The following ETV6 variants were observed in gnomAD, a reference collection of about 807,000 sequenced individuals.
The protein encoded by ETV6 is ETS variant transcription factor 6.
ETV6 carries 16 observed loss-of-function variants against 51.1 expected under a neutral mutation model. The observed-to-expected ratio is 0.31, with a 90% CI of 0.21 to 0.48. ETV6 has a LOEUF of 0.48. Among genes scored for constraint, ETV6 ranks in the 20% least tolerant of loss-of-function variants. ETV6 has a pLI of 0.99. For synonymous variants in ETV6, 240 were observed against 224.1 expected (o/e 1.07, Z -0.64); for missense variants, 458 against 594.8 (o/e 0.77, Z 2.39).
intron 2 of ETV6, among the ~76,000 whole-genome samples, chr12:11,804,484 T>G (rs1195839819): frequency 7.8e-6 from 1 of 128,338 alleles, no homozygotes; most frequent in East Asian, 2.2e-4. Flanking sequence ...TTGCTATTCT[T>G]GGAACACACA....
At chr12:11,651,760 A>G (rs1249925695) in intron 1 of ETV6, among the ~76,000 whole-genome samples, 6 of 152,244 alleles carry the variant, frequency 3.9e-5, no homozygotes, top group Admixed American at 2.0e-4. Context: ...TATTCAATAA[A>G]TAAATTGTAT....
chr12:11,827,947 AC>A lies in ETV6; in HGVS notation c.164-11189del, dbSNP rs539918565. On this transcript the variant is annotated intron_variant, in intron 2 of 7. Transcript: ENST00000396373. ...CCTGCAGGATCTTTATGTTCTCTGTACCCCATCCATTTCTGCTGAGGATTAC... is the reference window on the plus strand; with the variant it reads ...CCTGCAGGATCTTTATGTTCTCTGTACCCATCCATTTCTGCTGAGGATTAC... Among the ~76,000 whole-genome samples, 11 of 152,246 alleles carry A rather than the reference AC, an allele frequency of 7.2e-5. No homozygotes were observed. In the East Asian group the frequency reaches 1.5e-3, roughly 21 times the overall value.
At chr12:11,650,444 C>T (rs1347948993) in intron 1 of ETV6, among the ~76,000 whole-genome samples, 5 of 116,712 alleles carry the variant, frequency 4.3e-5, no homozygotes, top group African/African-American at 1.6e-4. Flanking sequence ...CCCGGATTGT[C>T]TCCAGAACCG....
chr12:11,751,286 C>CA, intron 1 of ETV6: 1 of 514,614 alleles, frequency 1.9e-6, no homozygotes, highest in Non-Finnish European at 3.9e-6. Flanking sequence ...ACTATCTTTC[C>CA]AAAACGTAAA....
chr12:11,894,747 TG>T lies in ETV6; in HGVS notation c.*3704del, dbSNP rs1831087015. On this transcript the variant is annotated 3_prime_UTR_variant, in exon 8 of 8. Coordinates refer to ENST00000396373, the MANE Select transcript of ETV6 (RefSeq NM_001987.5). The stretch of plus-strand genomic sequence containing the variant: ...AACTCCCTTTTGCAAAAAAGAAACC[TG>T]GGTGTCAGGGAGGTGAAGTGACTTG... The T allele has an allele frequency of 4.3e-6, 1 of 233,268 alleles. No homozygotes were observed. The highest frequency in any genetic ancestry group is 6.0e-5 in the East Asian group (1 of 16,576). The allele number at this position is 233,268 out of a possible 1,614,324, so 14.4% of individuals were successfully genotyped here.
At chr12:11,804,723 G>A (rs1443887295) in intron 2 of ETV6, among the ~76,000 whole-genome samples, 1 of 152,158 alleles carries the variant, frequency 6.6e-6, no homozygotes, top group Admixed American at 6.5e-5. Flanking sequence ...CACCTGACAT[G>A]TAATTTTTTA....
rs58160049 is a variant in ETV6, at chr12:11,708,112, G to C, written c.34-44338G>C. 8.6e-3 allele frequency among the ~76,000 whole-genome samples: 1,304 copies of C among 152,226 alleles called. 19 individuals carry two copies. The highest frequency in any genetic ancestry group is 0.028 in the African/African-American group (1,182 of 41,526). ...CGTCGAAAGCTGTACATTTCCTTCA[G>C]GGTAACCTTTGTTTCCAACAGGAGA... On this transcript the variant is annotated intron_variant, in intron 1 of 7. Coordinates refer to ENST00000396373, the MANE Select transcript of ETV6 (RefSeq NM_001987.5).
At chr12:11,796,353 C>G (rs188044975) in intron 2 of ETV6, among the ~76,000 whole-genome samples, 189 of 152,318 alleles carry the variant, frequency 1.2e-3, no homozygotes, top group South Asian at 3.9e-3. Flanking sequence ...GTGCCATATT[C>G]ATACTCACCC....
intron 3 of ETV6, among the ~76,000 whole-genome samples, chr12:11,845,030 C>T (rs1284393575): frequency 6.6e-6 from 1 of 152,072 alleles, no homozygotes. Context: ...GAGGTTTCAC[C>T]GTGTTGGCCA....
chr12:11,659,511 C>T (rs1193394813), intron 1 of ETV6, among the ~76,000 whole-genome samples: 1 of 152,126 alleles, frequency 6.6e-6, no homozygotes, highest in African/African-American at 2.4e-5. Context: ...TTCTCAGCTG[C>T]CCTGTCCCCT....
chr12:11,681,372 C>T (rs1864528708), intron 1 of ETV6, among the ~76,000 whole-genome samples: 1 of 152,016 alleles, frequency 6.6e-6, no homozygotes, highest in African/African-American at 2.4e-5. Flanking sequence ...TTTTTGGTTT[C>T]TATGTATCAT....
chr12:11,827,663 C>T lies in ETV6; in HGVS notation c.164-11477C>T, dbSNP rs369862553. Among the ~76,000 whole-genome samples, 13 of 152,212 alleles carry T rather than the reference C, an allele frequency of 8.5e-5. No individual in the cohort carries two copies. The East Asian group carries it at 2.5e-3, about 29-fold the overall frequency. ...AATTTCGCAGGAGAATAGAGACACC[C>T]GAGAGGGCTGGGAACAGGCACAGCT... is the stretch of plus-strand genomic sequence containing the variant. On this transcript the variant is annotated intron_variant, in intron 2 of 7. Transcript: ENST00000396373.
chr12:11,716,784 C>T (rs375465799), intron 1 of ETV6: 1 of 152,164 alleles, frequency 6.6e-6, no homozygotes, highest in Non-Finnish European at 1.5e-5. Flanking sequence ...GTAGGTTGAG[C>T]TTATTGTATC....
chr12:11,715,871 C>T (rs2120903647), intron 1 of ETV6, among the ~76,000 whole-genome samples: 1 of 152,312 alleles, frequency 6.6e-6, no homozygotes, highest in Non-Finnish European at 1.5e-5. Flanking sequence ...CATCAGGTTT[C>T]TGTAGGTTTC....
chr12:11,849,705 G>A (rs1027016685), intron 3 of ETV6, among the ~76,000 whole-genome samples: 3 of 152,150 alleles, frequency 2.0e-5, no homozygotes, highest in Admixed American at 6.5e-5. Flanking sequence ...GTTTGCTTGC[G>A]CCGTGACTGG....
intron 2 of ETV6, among the ~76,000 whole-genome samples, chr12:11,763,031 G>A (rs1015793121): frequency 6.6e-6 from 1 of 151,966 alleles, no homozygotes; most frequent in African/African-American, 2.4e-5. Context: ...CTAAGGTGGT[G>A]CAGGTTCCCA....
rs1863858162 is a variant in ETV6 at position 11,649,977 on chromosome 12, C to G, written c.-151C>G. 2.9e-6 allele frequency: 2 copies of G among 680,468 alleles called. No homozygotes were observed. The highest frequency in any genetic ancestry group is 2.2e-5 in the Admixed American group (1 of 46,328). 42.2% of individuals were successfully genotyped at this position (680,468 alleles called of 1,614,324 possible). A position where few individuals can be genotyped will look rare whatever the true frequency, so the allele number is the denominator to read the frequency against. On this transcript the variant is annotated 5_prime_UTR_variant, in exon 1 of 8. Transcript: ENST00000396373. ...CGGCCGCCCCGCCCCGCCCCGCGCG[C>G]TCCAGACCCCCGGGGCGGCTGCCGG...
chr12:11,727,839 A>G (rs1412235836), intron 1 of ETV6, among the ~76,000 whole-genome samples: 1 of 151,968 alleles, frequency 6.6e-6, no homozygotes, highest in Non-Finnish European at 1.5e-5. Context: ...TTTTACTTTG[A>G]GACGGAGTCT....
chr12:11,881,657 AG>A, intron 5 of ETV6, among the ~76,000 whole-genome samples: 1 of 152,344 alleles, frequency 6.6e-6, no homozygotes, highest in East Asian at 1.9e-4. Context: ...CACCTCCCAA[AG>A]GTACCTTGGT....
Sources: gnomAD v4.1 joint callset for allele counts (sites outside exome capture counted in the v4.1 genomes callset) on GRCh38, gnomAD v4.1.1 for gene constraint, MANE v1.5 for transcripts, NCBI Gene and HGNC (gene_info 2026-07-23, HGNC 2026-07-21) for gene names.